CEP135: variants seen among roughly 807,000 people sequenced by gnomAD.
CEP135 encodes centrosomal protein 135, also known as centrosomal protein of 135 kDa.
A neutral mutation model predicts 157.3 loss-of-function variants in CEP135; 142 were observed. The ratio of observed to expected loss-of-function variants is 0.90; its 90% confidence interval spans 0.79 to 1.04. The LOEUF (loss-of-function observed/expected upper bound fraction) is 1.04. CEP135 is among the 50% of genes least tolerant of loss of function. The pLI is 0.00. For missense variants in CEP135, 1,317 were observed against 1,309.2 expected (o/e 1.01, Z -0.09); for synonymous variants, 396 against 439.8 (o/e 0.90, Z 1.25).
intron 25 of CEP135, among the ~76,000 whole-genome samples, chr4:56,031,079 C>T: frequency 6.6e-6 from 1 of 151,818 alleles, no homozygotes; most frequent in Non-Finnish European, 1.5e-5. Context: ...CTGCAGTGAG[C>T]TATGATCACG....
At chr4:56,017,963 A>G (rs1483623709) in intron 22 of CEP135, 106 bp downstream of exon 22, 1 of 992,296 alleles carries the variant, frequency 1.0e-6, no homozygotes, top group African/African-American at 1.7e-5. Flanking sequence ...CTTTTAGAGT[A>G]GTTACTTTTT....
At chr4:56,026,152 T>G (rs1044702339) in intron 25 of CEP135, among the ~76,000 whole-genome samples, 1 of 152,106 alleles carries the variant, frequency 6.6e-6, no homozygotes, top group Admixed American at 6.6e-5. Context: ...GAAGTGGCAG[T>G]GAGCCCAGAT....
At chr4:55,974,616 TACAGGTG>T in intron 10 of CEP135, 123 bp from the exon 11 acceptor site, 1 of 663,810 alleles carries the variant, frequency 1.5e-6, no homozygotes, top group Non-Finnish European at 2.5e-6. Context: ...ATTTGGTACC[TACAGGTG>T]TTATGTAGAA....
At chr4:56,009,409 G>A (rs980835126) in intron 18 of CEP135, among the ~76,000 whole-genome samples, 35 of 151,964 alleles carry the variant, frequency 2.3e-4, no homozygotes, top group Non-Finnish European at 1.0e-4. Context: ...TGATCTGCCC[G>A]CCTCGGCCTC....
At position 55,949,829 on chromosome 4, in the gene CEP135, A is replaced by G. The variant is rs73240503; in HGVS notation, c.-46+770A>G. ...GGTGGGGACGGCCTAACATGTTTCT[A>G]TCTGGGAGGATTTTAATCCGTCCTG... On this transcript the variant is annotated intron_variant, in intron 1 of 25. Transcript: ENST00000257287. Among the ~76,000 whole-genome samples the G allele has an allele frequency of 5.9e-3, 892 of 152,276 alleles. 6 individuals are homozygous for G. The highest frequency in any genetic ancestry group is 0.013 in the South Asian group (62 of 4,820).
intron 11 of CEP135, 61 bp downstream of exon 11, chr4:55,975,030 A>G (rs1729154410): frequency 8.3e-7 from 1 of 1,200,746 alleles, no homozygotes; most frequent in South Asian, 1.6e-5. Context: ...TTTCTGGTTT[A>G]TTATTATATT....
intron 5 of CEP135, among the ~76,000 whole-genome samples, chr4:55,957,733 T>C (rs1426424318): frequency 6.6e-6 from 1 of 152,240 alleles, no homozygotes; most frequent in African/African-American, 2.4e-5. Flanking sequence ...AAGAGATGTG[T>C]AACTGGATTT....
chr4:56,007,446 C>T (rs948869591), intron 17 of CEP135, among the ~76,000 whole-genome samples: 2 of 152,276 alleles, frequency 1.3e-5, no homozygotes, highest in East Asian at 3.9e-4. Context: ...GTGGAATGTA[C>T]CTCCTACAGC....
At chr4:56,002,009 A>G (rs1730189910) in intron 17 of CEP135, among the ~76,000 whole-genome samples, 1 of 151,922 alleles carries the variant, frequency 6.6e-6, no homozygotes, top group South Asian at 2.1e-4. Context: ...CTTTGCAGCT[A>G]TTGTAAATGG....
chr4:55,973,271 C>T (rs552188387), intron 10 of CEP135, among the ~76,000 whole-genome samples: 17 of 152,208 alleles, frequency 1.1e-4, no homozygotes, highest in Admixed American at 9.2e-4. Flanking sequence ...CCTCAGCAGA[C>T]TGCTCAGCGC....
At chr4:55,968,069 G>A (rs886820947) in intron 8 of CEP135, among the ~76,000 whole-genome samples, 1 of 152,106 alleles carries the variant, frequency 6.6e-6, no homozygotes, top group Non-Finnish European at 1.5e-5. Context: ...AAAATTGCAG[G>A]ATACAAAATC....
chr4:55,959,459 G>A (rs1245720170), intron 5 of CEP135, among the ~76,000 whole-genome samples: 1 of 149,482 alleles, frequency 6.7e-6, no homozygotes, highest in Non-Finnish European at 1.5e-5. Context: ...CAGTGTATCT[G>A]AGTTTCAAAT....
At chr4:55,967,230 A>G (rs966823432) in intron 8 of CEP135, among the ~76,000 whole-genome samples, 1 of 152,168 alleles carries the variant, frequency 6.6e-6, no homozygotes, top group Non-Finnish European at 1.5e-5. Flanking sequence ...CATCATTACA[A>G]TTATTAATTA....
chr4:55,951,191 A>T (rs910343574), intron 1 of CEP135, among the ~76,000 whole-genome samples: 2 of 152,192 alleles, frequency 1.3e-5, no homozygotes, highest in African/African-American at 2.4e-5. Context: ...GTTTGGGGCT[A>T]CTATGAGTAA....
At chr4:56,009,685 TAC>T (rs753172292) in intron 18 of CEP135, 48 bp from the exon 19 acceptor site, 2 of 1,524,458 alleles carry the variant, frequency 1.3e-6, no homozygotes, top group East Asian at 2.3e-5. Context: ...TTAAATGAAC[TAC>T]AGTTTTTAAA....
At chr4:55,960,989 C>G (rs1010068275) in intron 6 of CEP135, 1 of 149,208 alleles carries the variant, frequency 6.7e-6, no homozygotes, top group African/African-American at 2.5e-5. Flanking sequence ...GCCTGTAATC[C>G]CAGCTACTCA....
At chr4:55,974,298 T>C (rs192542446) in intron 10 of CEP135, among the ~76,000 whole-genome samples, 2 of 152,348 alleles carry the variant, frequency 1.3e-5, no homozygotes, top group Admixed American at 6.5e-5. Flanking sequence ...GCAATTTCTA[T>C]GGTAAAAGCT....
rs774860984 is a variant in CEP135, at chr4:55,957,298, G to T, written c.548G>T (p.Ser183Ile). 3.1e-6 allele frequency: 5 copies of T among 1,614,104 alleles called. No individual in the cohort carries two copies. In the South Asian group the frequency reaches 5.5e-5, roughly 18 times the overall value. Residue 183 changes from serine (S) to isoleucine (I), a missense_variant, in exon 5 of 26, where the codon AGT becomes ATT. By Grantham distance (142) the Ser-to-Ile change is moderately radical. Transcript: ENST00000257287. ...GAACCGGTTCCTCCCTCTGAAGTCAGTTCATATCCAGTTCCTCAACCAGAT... is the reference window on the plus strand; with the variant it reads ...GAACCGGTTCCTCCCTCTGAAGTCATTTCATATCCAGTTCCTCAACCAGAT... ...IDEPVPPSEV[S>I]SYPVPQPDDP...
intron 10 of CEP135, among the ~76,000 whole-genome samples, chr4:55,974,063 A>G (rs983183474): frequency 6.6e-6 from 1 of 152,144 alleles, no homozygotes; most frequent in Non-Finnish European, 1.5e-5. Flanking sequence ...CAATTAGAAT[A>G]GTTGTGCAGC....
Sources: gnomAD v4.1 joint callset for allele counts (sites outside exome capture counted in the v4.1 genomes callset) on GRCh38, gnomAD v4.1.1 for gene constraint, MANE v1.5 for transcripts, NCBI Gene and HGNC (gene_info 2026-07-23, HGNC 2026-07-21) for gene names.